The following MCM9 variants were observed in gnomAD, a reference collection of about 807,000 sequenced individuals.
MCM9 encodes the protein DNA helicase MCM9.
Under a neutral mutation model 72.8 loss-of-function variants are expected in MCM9, and 55 were observed. The ratio of observed to expected loss-of-function variants is 0.76; its 90% CI spans 0.61 to 0.95. The LOEUF is 0.95. Ranked by LOEUF, MCM9 falls within the 40% of genes least tolerant of loss-of-function variation. The pLI is 0.00. For synonymous variants in MCM9, 480 were observed against 503.4 expected (o/e 0.95, Z 0.62); for missense variants, 1,279 against 1,377.0 (o/e 0.93, Z 1.13).
chr6:118,816,772 T>C (rs942415098), intron 13 of MCM9, among the ~76,000 whole-genome samples: 2 of 152,228 alleles, frequency 1.3e-5, no homozygotes, highest in African/African-American at 4.8e-5. Context: ...CTGGGGATTA[T>C]GAGGTCTCAC....
chr6:118,932,451 C>A (rs1053952019), intron 2 of MCM9, among the ~76,000 whole-genome samples, 156 bp downstream of exon 2: 1 of 152,190 alleles, frequency 6.6e-6, no homozygotes, highest in Non-Finnish European at 1.5e-5. Context: ...TGAAACATAT[C>A]TTTTGGCTTA....
chr6:118,853,608 T>C (rs994872009), intron 9 of MCM9, among the ~76,000 whole-genome samples: 2 of 152,136 alleles, frequency 1.3e-5, no homozygotes, highest in African/African-American at 4.8e-5. Context: ...GAGACCAGCC[T>C]GGGCAACATA....
intron 10 of MCM9, 50 bp downstream of exon 10, chr6:118,828,998 T>C (rs1380520151): frequency 6.6e-7 from 1 of 1,509,914 alleles, no homozygotes; most frequent in Admixed American, 2.0e-5. Context: ...TTTCTTTTAG[T>C]TACAGCTAAT....
chr6:118,819,952 G>C (rs952120724), intron 13 of MCM9, among the ~76,000 whole-genome samples: 6 of 152,016 alleles, frequency 3.9e-5, no homozygotes, highest in African/African-American at 1.5e-4. Flanking sequence ...TATTTCTGTG[G>C]GATCAGTTGT....
At chr6:118,930,386 A>G (rs1216789098) in intron 3 of MCM9, among the ~76,000 whole-genome samples, 1 of 152,226 alleles carries the variant, frequency 6.6e-6, no homozygotes, top group Non-Finnish European at 1.5e-5. Context: ...TGCTGGGATT[A>G]CAGGCGTGAG....
chr6:118,835,221 G>A (rs187581523), intron 9 of MCM9, among the ~76,000 whole-genome samples: 1 of 152,040 alleles, frequency 6.6e-6, no homozygotes, highest in Admixed American at 6.6e-5. Flanking sequence ...TCTGTTTTTG[G>A]TACCAGTATC....
intron 3 of MCM9, among the ~76,000 whole-genome samples, chr6:118,926,147 T>G (rs1781874633): frequency 6.6e-6 from 1 of 152,224 alleles, no homozygotes; most frequent in South Asian, 2.1e-4. Context: ...TTCATGAATT[T>G]ACCTATTCTG....
intron 8 of MCM9, among the ~76,000 whole-genome samples, chr6:118,889,200 C>A (rs1778792925): frequency 6.6e-6 from 1 of 152,176 alleles, no homozygotes; most frequent in African/African-American, 2.4e-5. Flanking sequence ...TTCTACCAAC[C>A]AAATTTCTAC....
At chr6:118,843,926 A>C (rs1775685465) in intron 9 of MCM9, among the ~76,000 whole-genome samples, 1 of 148,886 alleles carries the variant, frequency 6.7e-6, no homozygotes, top group African/African-American at 2.6e-5. Flanking sequence ...TCTGAAAATG[A>C]TGTGGCAAGG....
At chr6:118,898,613 TC>T (rs1779598544) in intron 8 of MCM9, among the ~76,000 whole-genome samples, 1 of 152,238 alleles carries the variant, frequency 6.6e-6, no homozygotes, top group Admixed American at 6.5e-5. Flanking sequence ...AGATGGGGTT[TC>T]ACCATGTTTG....
intron 8 of MCM9, among the ~76,000 whole-genome samples, chr6:118,860,218 TAA>T (rs1391800149): frequency 6.6e-6 from 1 of 152,070 alleles, no homozygotes; most frequent in African/African-American, 2.4e-5. Context: ...ATTAATATGC[TAA>T]GAGATCTAAT....
intron 2 of MCM9, 35 bp downstream of exon 2, chr6:118,932,572 T>A (rs1782532926): frequency 2.1e-6 from 2 of 966,522 alleles, no homozygotes; most frequent in East Asian, 1.1e-4. Context: ...ACACACACAC[T>A]CATGTGTATT....
intron 8 of MCM9, among the ~76,000 whole-genome samples, chr6:118,873,692 A>T (rs989900780): frequency 1.3e-5 from 2 of 152,220 alleles, no homozygotes; most frequent in Non-Finnish European, 1.5e-5. Context: ...AAATTTTACC[A>T]AATATTTAAG....
At position 118,888,486 on chromosome 6, in the gene MCM9, A is replaced by AAAACAAACAGAC. The variant is rs1001229295; in HGVS notation, c.1150+23152_1150+23163dup. Reference sequence around the variant, plus strand: ...TGGGTGACAGAGTGAGACTCGTCTCAAAACAAACAGACAAACAAACAGAAA... The same window carrying AAAACAAACAGAC: ...TGGGTGACAGAGTGAGACTCGTCTCAAAACAAACAGACAAACAAACAGACAAACAAACAGAAA... On this transcript the variant is annotated intron_variant, in intron 8 of 13. Coordinates refer to ENST00000619706, the MANE Select transcript of MCM9 (RefSeq NM_017696.3). 5.0e-3 allele frequency among the ~76,000 whole-genome samples: 764 copies of AAAACAAACAGAC among 152,300 alleles called. 3 individuals carry two copies. The highest frequency in any genetic ancestry group is 0.017 in the African/African-American group (709 of 41,548).
At chr6:118,866,114 T>C (rs186610008) in intron 8 of MCM9, among the ~76,000 whole-genome samples, 3 of 152,320 alleles carry the variant, frequency 2.0e-5, no homozygotes, top group East Asian at 1.9e-4. Flanking sequence ...TGGCAGAACA[T>C]GGCACATCTT....
chr6:118,881,030 T>G (rs1778253868), intron 8 of MCM9, among the ~76,000 whole-genome samples: 1 of 152,154 alleles, frequency 6.6e-6, no homozygotes, highest in South Asian at 2.1e-4. Flanking sequence ...ATAGAACAAT[T>G]ATAACAATAT....
At chr6:118,919,189 G>A (rs1781211630) in intron 5 of MCM9, 1 of 152,170 alleles carries the variant, frequency 6.6e-6, no homozygotes, top group South Asian at 2.1e-4. Flanking sequence ...GGAACTTAAT[G>A]TTTAGATATA....
At chr6:118,843,669 T>TATGTGTATATATATATAC in intron 9 of MCM9, among the ~76,000 whole-genome samples, 1 of 48,860 alleles carries the variant, frequency 2.0e-5, no homozygotes, top group Non-Finnish European at 3.5e-5. Context: ...TATATATATA[T>TATGTGTATATATATATAC]GTATGTATAT....
In MCM9 at chr6:118,931,585, G is replaced by C. The variant is rs374030416; in HGVS notation, c.139C>G (p.Leu47Val). Residue 47 changes from leucine (L) to valine (V), a missense_variant, in exon 3 of 14, where the codon CTG becomes GTG. Transcript: ENST00000619706. The stretch of plus-strand genomic sequence containing the variant: ...CCGATTTCCATGTTGGTCTCAAACA[G>C]AGTCATGGCATTAACCACAACTGGG... ...HYPVVVNAMT[L>V]FETNMEIGEY... 2.5e-6 allele frequency: 4 copies of C among 1,613,994 alleles called. No individual in the cohort carries two copies. The highest frequency in any genetic ancestry group is 3.4e-6 in the Non-Finnish European group (4 of 1,180,038).
Sources: allele counts gnomAD v4.1 joint callset (sites outside exome capture counted in the v4.1 genomes callset), GRCh38; gene constraint gnomAD v4.1.1; transcripts MANE v1.5; gene names NCBI Gene and HGNC (gene_info 2026-07-23, HGNC 2026-07-21).